TBX15: variants seen among roughly 807,000 people sequenced by gnomAD.
The protein encoded by TBX15 is T-box transcription factor 15.
TBX15 carries 18 observed loss-of-function variants against 53.9 expected under a neutral mutation model. That is an observed-to-expected ratio of 0.33 (90% CI 0.23 to 0.49). The LOEUF (loss-of-function observed/expected upper bound fraction) is 0.49, where lower values mean the gene tolerates loss of function less well. Among genes scored for constraint, TBX15 ranks in the 20% least tolerant of loss-of-function variants. The pLI is 0.98. For missense variants in TBX15, 692 were observed against 749.5 expected, an observed-to-expected ratio of 0.92 and a Z score of 0.90; for synonymous variants, 295 against 278.0, an observed-to-expected ratio of 1.06 and a Z score of -0.61.
At chr1:118,965,203 T>C (rs1478075458) in intron 1 of TBX15, among the ~76,000 whole-genome samples, 1 of 152,122 alleles carries the variant, frequency 6.6e-6, no homozygotes, top group Non-Finnish European at 1.5e-5. Flanking sequence ...AAAGTAATGA[T>C]TGGTAATAAA....
At chr1:118,941,795 T>G (rs1459031778) in intron 1 of TBX15, among the ~76,000 whole-genome samples, 12 of 152,134 alleles carry the variant, frequency 7.9e-5, no homozygotes. Context: ...AAATCCACCA[T>G]AGCACACAGC....
chr1:118,987,110 A>ATTATATTG (rs1657864705), intron 1 of TBX15, among the ~76,000 whole-genome samples: 1 of 152,198 alleles, frequency 6.6e-6, no homozygotes, highest in Non-Finnish European at 1.5e-5. Flanking sequence ...ACCATCGAAA[A>ATTATATTG]GTTGGTGGGA....
intron 6 of TBX15, among the ~76,000 whole-genome samples, chr1:118,900,931 C>T (rs1465407141): frequency 6.6e-6 from 1 of 152,100 alleles, no homozygotes; most frequent in Non-Finnish European, 1.5e-5. Context: ...TTTATTGTTC[C>T]ACCTCCTAGT....
At chr1:118,975,395 C>G (rs1657390177) in intron 1 of TBX15, among the ~76,000 whole-genome samples, 2 of 152,196 alleles carry the variant, frequency 1.3e-5, no homozygotes, top group African/African-American at 4.8e-5. Context: ...CTCTCTCATT[C>G]ACAATTTAAC....
chr1:118,898,748 A>G (rs1490925207), intron 7 of TBX15, among the ~76,000 whole-genome samples: 4 of 152,222 alleles, frequency 2.6e-5, no homozygotes, highest in Non-Finnish European at 5.9e-5. Flanking sequence ...GTGAATGCTT[A>G]GCAATATTAA....
At chr1:118,926,734 C>T in intron 2 of TBX15, 123 bp from the exon 3 acceptor site, 1 of 823,222 alleles carries the variant, frequency 1.2e-6, no homozygotes, top group Non-Finnish European at 2.0e-6. Flanking sequence ...GAGATGGAGT[C>T]TCGCTCTGTC....
chr1:118,926,970 C>G (rs1306067054), intron 2 of TBX15, among the ~76,000 whole-genome samples: 1 of 152,076 alleles, frequency 6.6e-6, no homozygotes, highest in Non-Finnish European at 1.5e-5. Context: ...GTGATCTGCC[C>G]ACCTCGGCCT....
At chr1:118,924,602 A>G in intron 4 of TBX15, 44 bp downstream of exon 4, 1 of 1,612,542 alleles carries the variant, frequency 6.2e-7, no homozygotes, top group Non-Finnish European at 8.5e-7. Flanking sequence ...TAAAGCAAAC[A>G]GAGGAAGAGA....
chr1:118,976,528 T>G (rs895030116), intron 1 of TBX15, among the ~76,000 whole-genome samples: 2 of 152,186 alleles, frequency 1.3e-5, no homozygotes, highest in Non-Finnish European at 2.9e-5. Context: ...AAGAGAAACA[T>G]GCTTGCATTA....
chr1:118,938,460 G>A (rs770329100), intron 1 of TBX15, among the ~76,000 whole-genome samples: 2 of 152,178 alleles, frequency 1.3e-5, no homozygotes, highest in Non-Finnish European at 2.9e-5. Context: ...CTTTGAGAGA[G>A]TCTTTGCAAA....
At chr1:118,893,473 G>A (rs1286882447) in intron 7 of TBX15, among the ~76,000 whole-genome samples, 1 of 115,904 alleles carries the variant, frequency 8.6e-6, no homozygotes, top group African/African-American at 3.5e-5. Flanking sequence ...AAGAAAGGAA[G>A]GAAGGAAGGA....
In TBX15 at chr1:118,912,509, C is replaced by T. The variant is rs139169170; in HGVS notation, c.926+1606G>A. 3.3e-4 allele frequency among the ~76,000 whole-genome samples: 50 copies of T among 152,162 alleles called. 1 individual carries two copies. Among genetic ancestry groups the T allele is most frequent in the African/African-American group, 1.2e-3 (49 of 41,526 alleles). Reference sequence around the variant, plus strand: ...GAAATAGCCTGTCATGAAAGTCCTGCCCCAAAGAATCACCACCAAGACAGG... The same window carrying T: ...GAAATAGCCTGTCATGAAAGTCCTGTCCCAAAGAATCACCACCAAGACAGG... On this transcript the variant is annotated intron_variant, in intron 6 of 7. Transcript: ENST00000369429.
chr1:118,975,301 C>CT (rs535694009), intron 1 of TBX15, among the ~76,000 whole-genome samples: 51 of 152,246 alleles, frequency 3.3e-4, no homozygotes, highest in Admixed American at 1.4e-3. Context: ...CCTTTACTAG[C>CT]AGGTATGGAA....
At chr1:118,891,401 C>T (rs1357641317) in intron 7 of TBX15, among the ~76,000 whole-genome samples, 1 of 152,194 alleles carries the variant, frequency 6.6e-6, no homozygotes, top group African/African-American at 2.4e-5. Context: ...ACTTGTTTTA[C>T]TGCCTTCCTT....
intron 6 of TBX15, among the ~76,000 whole-genome samples, chr1:118,907,686 G>A (rs1364213616): frequency 1.3e-5 from 2 of 152,194 alleles, no homozygotes; most frequent in Non-Finnish European, 2.9e-5. Context: ...ATTAGACCCA[G>A]TGCAAAGACT....
At chr1:118,984,337 C>T (rs1455651729) in intron 1 of TBX15, among the ~76,000 whole-genome samples, 1 of 152,222 alleles carries the variant, frequency 6.6e-6, no homozygotes, top group East Asian at 1.9e-4. Flanking sequence ...AGGAGGAAAT[C>T]CCTCCACAGA....
At chr1:118,895,085 C>T (rs1654375745) in intron 7 of TBX15, among the ~76,000 whole-genome samples, 1 of 152,266 alleles carries the variant, frequency 6.6e-6, no homozygotes, top group East Asian at 1.9e-4. Flanking sequence ...CAGTATCTTA[C>T]TTGTATGACT....
chr1:118,883,986 C>CT lies in TBX15; in HGVS notation c.*745dup, dbSNP rs1242172473. On this transcript the variant is annotated 3_prime_UTR_variant, in exon 8 of 8. Transcript: ENST00000369429. ...TTTGTCTTTCTCCTGTTCAGCTTCT[C>CT]TTTCTCCCTCTTTCCACGGGCACCA... 1 of 152,880 alleles carries CT rather than the reference C, an allele frequency of 6.5e-6. No individual in the cohort carries two copies. 9.5% of individuals were successfully genotyped at this position (152,880 alleles called of 1,614,324 possible).
intron 7 of TBX15, among the ~76,000 whole-genome samples, chr1:118,889,308 G>T (rs1450272622): frequency 6.6e-6 from 1 of 152,140 alleles, no homozygotes; most frequent in Non-Finnish European, 1.5e-5. Context: ...ACAGCTTGTC[G>T]AATGTTAAAC....
Sources: gnomAD v4.1 joint callset for allele counts (sites outside exome capture counted in the v4.1 genomes callset) on GRCh38, gnomAD v4.1.1 for gene constraint, MANE v1.5 for transcripts, NCBI Gene and HGNC (gene_info 2026-07-23, HGNC 2026-07-21) for gene names.